Variants in ZC3H6 observed in about 807,000 individuals in gnomAD.
The protein encoded by ZC3H6 is zinc finger CCCH domain-containing protein 6.
In ZC3H6, 40 loss-of-function variants were observed where a neutral mutation model predicts 107.7. The ratio of observed to expected loss-of-function variants is 0.37; its 90% CI spans 0.29 to 0.48. ZC3H6 has a LOEUF of 0.48. Ranked by LOEUF, ZC3H6 falls within the 20% of genes least tolerant of loss-of-function variation. ZC3H6 has a pLI of 0.98. For synonymous variants in ZC3H6, 493 were observed against 487.9 expected, an observed-to-expected ratio of 1.01 and a Z score of -0.14; for missense variants, 1,267 against 1,410.4, an observed-to-expected ratio of 0.90 and a Z score of 1.63.
intron 1 of ZC3H6, among the ~76,000 whole-genome samples, chr2:112,285,893 G>A (rs1428487618): frequency 1.7e-4 from 26 of 152,116 alleles, no homozygotes; most frequent in African/African-American, 5.1e-4. Context: ...TCCAGGAGGC[G>A]GAGGCTGCAG....
chr2:112,279,193 G>A (rs1053454970), intron 1 of ZC3H6, among the ~76,000 whole-genome samples: 8 of 152,114 alleles, frequency 5.3e-5, no homozygotes, highest in Non-Finnish European at 8.8e-5. Context: ...CTGGTCTCTC[G>A]TCGTTCAGTT....
intron 1 of ZC3H6, among the ~76,000 whole-genome samples, chr2:112,289,316 CTTTTTCTTTTTT>C (rs1676046010): frequency 7.6e-6 from 1 of 132,260 alleles, no homozygotes; most frequent in African/African-American, 2.8e-5. Context: ...CTTTTTTTTT[CTTTTTCTTTTTT>C]TTTTTTTTTT....
chr2:112,303,322 T>C lies in ZC3H6; in HGVS notation c.307T>C (p.Tyr103His). 6.2e-7 allele frequency: 1 copy of C among 1,613,392 alleles called. No homozygotes were observed. The highest frequency in any genetic ancestry group is 8.5e-7 in the Non-Finnish European group (1 of 1,179,476). Residue 103 changes from tyrosine to histidine, a missense_variant, in exon 3 of 12, where the codon TAC (tyrosine) becomes CAC (histidine). Around this residue, in one of 3 missense-constraint regions of ZC3H6, gnomAD observed 337 missense variants for 361.2 expected, o/e 0.93. Coordinates refer to ENST00000409871, the MANE Select transcript of ZC3H6 (RefSeq NM_198581.3). ...ESSHKKRTGF[Y>H]RDYDIPFTQR... ...TTCCCATAAAAAAAGAACTGGTTTC[T>C]ACAGGGATTATGACATTCCATTTAC...
intron 5 of ZC3H6, among the ~76,000 whole-genome samples, chr2:112,316,173 T>C (rs1676691091): frequency 6.6e-6 from 1 of 152,204 alleles, no homozygotes; most frequent in Non-Finnish European, 1.5e-5. Context: ...GTGCATATTT[T>C]ATTGTGTCTT....
In ZC3H6 at chr2:112,325,069, G is replaced by A. The variant is rs202019350; in HGVS notation, c.1958G>A (p.Gly653Asp). The A allele has an allele frequency of 2.9e-4, 473 of 1,613,812 alleles. No individual in the cohort carries two copies. The highest frequency in any genetic ancestry group is 3.9e-4 in the Non-Finnish European group (464 of 1,179,880). ...SDGSSTRTGHGPLPVPGLLPA... is the reference protein window; with the variant it reads ...SDGSSTRTGHDPLPVPGLLPA... ...GGCAGCAGCACTAGGACAGGCCATG[G>A]CCCTCTGCCTGTACCAGGCCTCCTC... The change falls in exon 11 of 12, where the codon GGC (glycine) becomes GAC (aspartate). Residue 653 changes from glycine (G) to aspartate (D), a missense_variant. This residue lies in a region of ZC3H6 where 925 missense variants were observed against 1,025.7 expected (regional missense o/e 0.90). Coordinates refer to ENST00000409871, the MANE Select transcript of ZC3H6 (RefSeq NM_198581.3).
rs1344413462 is a variant in ZC3H6, at chr2:112,310,157, G to T, written c.609G>T (p.Gln203His). ...AAAAACAGAGAATGAAAGGAGTTCA[G>T]CAAGGTAAGTTTGAAATTACAGTCT... ...SGKKQRMKGV[Q>H]QGIEQRVKSF... Residue 203 changes from glutamine (Q) to histidine (H), a missense_variant, in exon 4 of 12, where the codon CAG (glutamine) becomes CAT (histidine). Around this residue, in one of 3 missense-constraint regions of ZC3H6, gnomAD observed 337 missense variants for 361.2 expected, o/e 0.93. Coordinates refer to ENST00000409871, the MANE Select transcript of ZC3H6 (RefSeq NM_198581.3). 1 of 1,611,232 alleles carries T rather than the reference G, an allele frequency of 6.2e-7. No individual in the cohort carries two copies. The highest frequency in any genetic ancestry group is 1.1e-5 in the South Asian group (1 of 90,680).
chr2:112,275,957 A>T lies in ZC3H6; in HGVS notation c.-38A>T, dbSNP rs1331421270. On this transcript the variant is annotated 5_prime_UTR_variant, in exon 1 of 12. Coordinates refer to ENST00000409871, the MANE Select transcript of ZC3H6 (RefSeq NM_198581.3). ...CGCGCCCCGCCGCCGCCGGCCTCGC[A>T]GACCTGCCCTCCAGCCCCGCCCCGT... 4.0e-6 allele frequency: 6 copies of T among 1,515,388 alleles called. No homozygotes were observed. The highest frequency in any genetic ancestry group is 4.4e-6 in the Non-Finnish European group (5 of 1,131,300). The allele number at this position is 1,515,388 out of a possible 1,614,324, so 93.9% of individuals were successfully genotyped here. A position where few individuals can be genotyped will look rare whatever the true frequency, so the allele number is the denominator to read the frequency against.
At chr2:112,291,581 C>G (rs182101858) in intron 1 of ZC3H6, among the ~76,000 whole-genome samples, 1 of 152,314 alleles carries the variant, frequency 6.6e-6, no homozygotes, top group African/African-American at 2.4e-5. Context: ...ACAAACACAA[C>G]CAGAGCTTAA....
At position 112,292,434 on chromosome 2, in the gene ZC3H6, G is replaced by C. The variant is rs527949151; in HGVS notation, c.33-7415G>C. On this transcript the variant is annotated intron_variant, in intron 1 of 11. Transcript: ENST00000409871. ...TAACAGCTATGCAGTGGCATATACA[G>C]CTCTGGAGACCAGGCATTAGAAGAC... is the stretch of plus-strand genomic sequence containing the variant. Among the ~76,000 whole-genome samples the C allele has an allele frequency of 1.3e-5, 2 of 152,318 alleles. 1 individual carries two copies. The highest frequency in any genetic ancestry group is 4.1e-4 in the South Asian group (2 of 4,826).
intron 1 of ZC3H6, among the ~76,000 whole-genome samples, chr2:112,290,173 T>C (rs1274380842): frequency 6.6e-6 from 1 of 152,272 alleles, no homozygotes; most frequent in Non-Finnish European, 1.5e-5. Flanking sequence ...CCAACTGGTC[T>C]GCCCTGGTGA....
rs146204753 is a variant in ZC3H6 at position 112,319,404 on chromosome 2, C to T, written c.976+2072C>T. On this transcript the variant is annotated intron_variant, in intron 7 of 11. Coordinates refer to ENST00000409871, the MANE Select transcript of ZC3H6 (RefSeq NM_198581.3). The stretch of plus-strand genomic sequence containing the variant: ...CTCATGCCTGTAATCCCACCACTTT[C>T]GGAGGCCAAGGCGGGTGGATCACCT... Among the ~76,000 whole-genome samples, 1,129 of 152,114 alleles carry T rather than the reference C, an allele frequency of 7.4e-3. 11 individuals carry two copies. The highest frequency in any genetic ancestry group is 0.025 in the African/African-American group (1,058 of 41,512).
At chr2:112,291,171 CTTAATCTCTAGAATT>C (rs1676106549) in intron 1 of ZC3H6, among the ~76,000 whole-genome samples, 1 of 152,222 alleles carries the variant, frequency 6.6e-6, no homozygotes, top group African/African-American at 2.4e-5. Flanking sequence ...TTAGTTTCAT[CTTAATCTCTAGAATT>C]TTAACTGTGA....
intron 9 of ZC3H6, among the ~76,000 whole-genome samples, chr2:112,323,848 A>G (rs926737433): frequency 6.6e-6 from 1 of 152,196 alleles, no homozygotes; most frequent in Admixed American, 6.5e-5. Flanking sequence ...GAGAGAACCA[A>G]TAAAATTTTA....
At chr2:112,306,040 C>T (rs532931772) in intron 3 of ZC3H6, among the ~76,000 whole-genome samples, 5 of 152,236 alleles carry the variant, frequency 3.3e-5, no homozygotes, top group East Asian at 1.9e-4. Flanking sequence ...ATTTTTCATA[C>T]GTAGAAATTT....
Position 112,332,436 on chromosome 2 carries a change from C to G in ZC3H6, c.3518C>G (p.Ser1173Cys). The change falls in exon 12 of 12, where the codon TCT becomes TGT. Residue 1173 changes from serine (S) to cysteine (C), a missense_variant. Around this residue, in one of 3 missense-constraint regions of ZC3H6, gnomAD observed 925 missense variants for 1,025.7 expected, o/e 0.90. Transcript: ENST00000409871. ...NDPGRETDDKSLKEVFKTFDP... is the reference protein window; with the variant it reads ...NDPGRETDDKCLKEVFKTFDP... ...CCCGGTAGAGAAACAGATGACAAAT[C>G]TCTGAAAGAGGTTTTTAAAACTTTT... 1 of 1,610,906 alleles carries G rather than the reference C, an allele frequency of 6.2e-7. No individual in the cohort carries two copies. The highest frequency in any genetic ancestry group is 8.5e-7 in the Non-Finnish European group (1 of 1,179,342).
intron 2 of ZC3H6, among the ~76,000 whole-genome samples, chr2:112,301,410 A>G (rs1454995044): frequency 1.3e-5 from 2 of 152,232 alleles, no homozygotes; most frequent in Non-Finnish European, 2.9e-5. Context: ...AAATGGGGGA[A>G]GGAAGCAGAA....
At position 112,331,523 on chromosome 2, in the gene ZC3H6, A is replaced by G; in HGVS notation, c.2605A>G (p.Thr869Ala). 1 of 1,613,994 alleles carries G rather than the reference A, an allele frequency of 6.2e-7. No individual in the cohort carries two copies. Among genetic ancestry groups the G allele is most frequent in the Non-Finnish European group, 8.5e-7 (1 of 1,179,890 alleles). ...TCACATTAAAATGGACATTACTCTAACCAAACCCAACTTTGCAAAACACAT... is the reference window on the plus strand; with the variant it reads ...TCACATTAAAATGGACATTACTCTAGCCAAACCCAACTTTGCAAAACACAT... ...FSHIKMDITL[T>A]KPNFAKHIVW... The change falls in exon 12 of 12, where the codon ACC (threonine) becomes GCC (alanine). Residue 869 changes from threonine to alanine, a missense_variant. This residue lies in a region of ZC3H6 where 925 missense variants were observed against 1,025.7 expected (regional missense o/e 0.90). Transcript: ENST00000409871.
chr2:112,325,263 G>A (rs1676886769), intron 11 of ZC3H6, 66 bp downstream of exon 11: 1 of 1,468,106 alleles, frequency 6.8e-7, no homozygotes, highest in Non-Finnish European at 9.4e-7. Flanking sequence ...AATGGCCGAG[G>A]CAGGTGAATC....
At chr2:112,303,951 T>G (rs1199015791) in intron 3 of ZC3H6, among the ~76,000 whole-genome samples, 1 of 152,264 alleles carries the variant, frequency 6.6e-6, no homozygotes, top group Admixed American at 6.5e-5. Flanking sequence ...GGTGATTCTA[T>G]GTCCAACTGT....
Sources: allele counts gnomAD v4.1 joint callset (sites outside exome capture counted in the v4.1 genomes callset), GRCh38; gene constraint gnomAD v4.1.1; regional missense constraint gnomAD v4.1.1; transcripts MANE v1.5; gene names NCBI Gene and HGNC (gene_info 2026-07-23, HGNC 2026-07-21).